The following SVEP1 variants were observed in gnomAD, a reference collection of about 807,000 sequenced individuals.
SVEP1 encodes sushi, von Willebrand factor type A, EGF and pentraxin domain-containing protein 1.
SVEP1 carries 164 observed loss-of-function variants against 367.3 expected under a neutral mutation model. That is an observed-to-expected ratio of 0.45 (90% CI 0.39 to 0.51). SVEP1 has a LOEUF of 0.51. Ranked by LOEUF, SVEP1 falls within the 20% of genes least tolerant of loss-of-function variation. SVEP1 has a pLI of 0.00. For synonymous variants in SVEP1, 1,666 were observed against 1,611.6 expected, an observed-to-expected ratio of 1.03 and a Z score of -0.81; for missense variants, 4,117 against 4,425.3, an observed-to-expected ratio of 0.93 and a Z score of 1.98.
chr9:110,450,878 A>C (rs575876877), intron 23 of SVEP1, among the ~76,000 whole-genome samples: 1 of 152,224 alleles, frequency 6.6e-6, no homozygotes, highest in African/African-American at 2.4e-5. Context: ...TTCCATTCAA[A>C]ACTTGCCTGT....
At chr9:110,539,029 C>A (rs1164160613) in intron 3 of SVEP1, among the ~76,000 whole-genome samples, 1 of 152,054 alleles carries the variant, frequency 6.6e-6, no homozygotes, top group Non-Finnish European at 1.5e-5. Flanking sequence ...GTGCTCAAGG[C>A]AAACATGAAA....
chr9:110,411,311 G>T lies in SVEP1; in HGVS notation c.6400C>A (p.Pro2134Thr). 6.2e-7 allele frequency: 1 copy of T among 1,614,006 alleles called. No individual in the cohort carries two copies. The highest frequency in any genetic ancestry group is 8.5e-7 in the Non-Finnish European group (1 of 1,179,896). Residue 2134 changes from proline (P) to threonine (T), a missense_variant, in exon 37 of 48, where the codon CCT becomes ACT. Pro to Thr is a conservative substitution (Grantham distance 38, BLOSUM62 -1). Around this residue, in one of 4 missense-constraint regions of SVEP1, gnomAD observed 1,765 missense variants for 1,781.1 expected, o/e 0.99. Transcript: ENST00000374469. ...ATGCACTGGATGGACATGGGGGAAGGGTTCCACTGCCCACCTCTCATACAT... is the reference window on the plus strand; with the variant it reads ...ATGCACTGGATGGACATGGGGGAAGTGTTCCACTGCCCACCTCTCATACAT... ...IECMRGGQWN[P>T]SPMSIQCIPV...
chr9:110,439,550 C>T (rs140046681), intron 27 of SVEP1, among the ~76,000 whole-genome samples: 3,631 of 151,160 alleles, frequency 0.024, 137 homozygotes, highest in African/African-American at 0.084. Flanking sequence ...CCTGCCACCA[C>T]GCCCGGCTAA....
At position 110,374,321 on chromosome 9, in the gene SVEP1, C is replaced by T. The variant is rs528364751; in HGVS notation, c.10600+1047G>A. On this transcript the variant is annotated intron_variant, in intron 46 of 47. Coordinates refer to ENST00000374469, the MANE Select transcript of SVEP1 (RefSeq NM_153366.4). ...CCATATTCCACAAAGAACATGATCT[C>T]GTTCTTTTTTATGGCTGCAGGGCTA... Among the ~76,000 whole-genome samples, 95 of 152,216 alleles carry T rather than the reference C, an allele frequency of 6.2e-4. 1 individual carries two copies. The highest frequency in any genetic ancestry group is 2.2e-3 in the African/African-American group (93 of 41,540).
chr9:110,491,360 C>T (rs146786100), intron 8 of SVEP1, among the ~76,000 whole-genome samples: 2 of 151,894 alleles, frequency 1.3e-5, no homozygotes, highest in African/African-American at 4.8e-5. Flanking sequence ...TTCAGAAAAA[C>T]TAGAATGAAA....
In SVEP1 at chr9:110,432,005, A is replaced by C. The variant is rs760529114; in HGVS notation, c.5263T>G (p.Cys1755Gly). The C allele has an allele frequency of 1.2e-6, 2 of 1,612,688 alleles. No individual in the cohort carries two copies. Among genetic ancestry groups the C allele is most frequent in the South Asian group, 1.1e-5 (1 of 90,704 alleles). ...TTCAGGCAAGAAGCATGCTCACTAC[A>C]ATCTGATCCAACTGCACACTCATCG... The part of the protein sequence containing the change: ...DVDECAVGSD[C>G]SEHASCLNVD... The change falls in exon 32 of 48, where the codon TGT (cysteine) becomes GGT (glycine). Residue 1755 changes from cysteine (C) to glycine (G), a missense_variant. By Grantham distance (159) the Cys-to-Gly change is radical. Coordinates refer to ENST00000374469, the MANE Select transcript of SVEP1 (RefSeq NM_153366.4).
At chr9:110,562,749 C>T (rs1040367620) in intron 1 of SVEP1, among the ~76,000 whole-genome samples, 11 of 151,948 alleles carry the variant, frequency 7.2e-5, no homozygotes, top group Non-Finnish European at 1.5e-4. Flanking sequence ...AGTACAGTGG[C>T]GCAATCTTGG....
chr9:110,433,198 A>G (rs1828378717), intron 30 of SVEP1, among the ~76,000 whole-genome samples: 1 of 152,124 alleles, frequency 6.6e-6, no homozygotes, highest in South Asian at 2.1e-4. Flanking sequence ...CTGTGAGCCA[A>G]TTAAATCTCC....
chr9:110,544,196 A>G (rs1362609570), intron 3 of SVEP1, among the ~76,000 whole-genome samples: 1 of 152,196 alleles, frequency 6.6e-6, no homozygotes, highest in East Asian at 1.9e-4. Context: ...CAGACAGACA[A>G]GAGAACCACA....
At chr9:110,458,851 A>C in intron 19 of SVEP1, 101 bp downstream of exon 19, 2 of 1,434,676 alleles carry the variant, frequency 1.4e-6, no homozygotes, top group Non-Finnish European at 1.9e-6. Flanking sequence ...CAGATGCCCA[A>C]ATCCACCGAA....
chr9:110,435,339 G>C lies in SVEP1; in HGVS notation c.4790C>G (p.Pro1597Arg). The change falls in exon 29 of 48, where the codon CCA becomes CGA. Residue 1597 changes from proline to arginine, a missense_variant. Physicochemically the swap from Pro to Arg is moderately radical, Grantham distance 103. Around this residue, in one of 4 missense-constraint regions of SVEP1, gnomAD observed 2,174 missense variants for 2,494.3 expected, o/e 0.87. Transcript: ENST00000374469. Reference protein sequence around the residue: ...QQVKSLATSCPEELSKGNVLA... With the variant: ...QQVKSLATSCREELSKGNVLA... ...CACGTTTCCTTTACTGAGTTCCTCT[G>C]GGCAGGAGGTAGCCAGTGACTTCAC... The C allele has an allele frequency of 6.2e-7, 1 of 1,613,430 alleles. No homozygotes were observed. Among genetic ancestry groups the C allele is most frequent in the Non-Finnish European group, 8.5e-7 (1 of 1,179,498 alleles).
At chr9:110,387,065 T>C (rs1031658297) in intron 42 of SVEP1, among the ~76,000 whole-genome samples, 4 of 152,180 alleles carry the variant, frequency 2.6e-5, no homozygotes, top group African/African-American at 9.7e-5. Context: ...TTTCTCTTAG[T>C]AATCACTCAT....
intron 40 of SVEP1, among the ~76,000 whole-genome samples, chr9:110,399,903 C>G (rs571787012): frequency 1.3e-5 from 2 of 152,286 alleles, no homozygotes; most frequent in Middle Eastern, 6.8e-3. Flanking sequence ...TAAATGACAA[C>G]ATGGTGTAAT....
At chr9:110,469,174 A>T (rs910475474) in intron 16 of SVEP1, 73 bp from the exon 17 acceptor site, 1 of 1,436,780 alleles carries the variant, frequency 7.0e-7, no homozygotes, top group South Asian at 1.4e-5. Context: ...TTTTCCTAAG[A>T]CATGAAAGTA....
chr9:110,389,419 G>A (rs958397973), intron 41 of SVEP1, 105 bp downstream of exon 41: 7 of 1,370,362 alleles, frequency 5.1e-6, no homozygotes, highest in Non-Finnish European at 6.1e-6. Context: ...TATGGAGTTG[G>A]CTTACATTTT....
At chr9:110,432,432 T>C (rs767685243) in intron 31 of SVEP1, 30 bp downstream of exon 31, 1 of 1,588,274 alleles carries the variant, frequency 6.3e-7, no homozygotes, top group South Asian at 1.2e-5. Flanking sequence ...TAGAATAATC[T>C]CATATAGTAG....
intron 3 of SVEP1, among the ~76,000 whole-genome samples, chr9:110,518,189 A>C (rs10980422): frequency 0.13 from 19,432 of 152,008 alleles, 1,326 homozygotes; most frequent in African/African-American, 0.15. Context: ...TTGGGAGGAT[A>C]AGGCGGGCCG....
At chr9:110,379,207 A>C in intron 44 of SVEP1, 140 bp downstream of exon 44, 1 of 950,440 alleles carries the variant, frequency 1.1e-6, no homozygotes, top group East Asian at 2.7e-5. Flanking sequence ...ACATTAAAAG[A>C]AAATTACACA....
At chr9:110,521,426 A>G (rs1332242124) in intron 3 of SVEP1, among the ~76,000 whole-genome samples, 1 of 152,196 alleles carries the variant, frequency 6.6e-6, no homozygotes, top group African/African-American at 2.4e-5. Flanking sequence ...GCCATATTGC[A>G]AATGTAAGCA....
Sources: gnomAD v4.1 joint callset for allele counts (sites outside exome capture counted in the v4.1 genomes callset) on GRCh38, gnomAD v4.1.1 for gene constraint, gnomAD v4.1.1 regional missense constraint, MANE v1.5 for transcripts, NCBI Gene and HGNC (gene_info 2026-07-23, HGNC 2026-07-21) for gene names.